NTNG1: variants seen among roughly 807,000 people sequenced by gnomAD.
NTNG1 encodes the protein netrin-G1.
In NTNG1, 16 loss-of-function variants were observed where a neutral mutation model predicts 54.0. That is an observed-to-expected ratio of 0.30 (90% CI 0.20 to 0.45). The LOEUF is 0.45. NTNG1 is among the 20% of genes least tolerant of loss of function. The probability of loss-of-function intolerance (pLI) is 1.00; values close to 1 mark genes in which losing one functional copy is unlikely to be tolerated. For synonymous variants in NTNG1, 255 were observed against 263.1 expected (o/e 0.97, Z 0.30); for missense variants, 530 against 678.7 (o/e 0.78, Z 2.43).
chr1:107,144,433 A>G (rs990701831), intron 1 of NTNG1, among the ~76,000 whole-genome samples: 1 of 152,146 alleles, frequency 6.6e-6, no homozygotes, highest in Non-Finnish European at 1.5e-5. Context: ...TAGTGAGATT[A>G]TATAATAAAA....
At chr1:107,292,896 T>C (rs1665710783) in intron 2 of NTNG1, among the ~76,000 whole-genome samples, 1 of 152,104 alleles carries the variant, frequency 6.6e-6, no homozygotes, top group South Asian at 2.1e-4. Context: ...CCAAGTGTAA[T>C]TTCCTTCCTT....
intron 1 of NTNG1, among the ~76,000 whole-genome samples, chr1:107,145,942 G>A (rs1654074887): frequency 6.6e-6 from 1 of 152,012 alleles, no homozygotes; most frequent in Non-Finnish European, 1.5e-5. Context: ...TTTCCTTAGT[G>A]TTCAAATTTT....
intron 3 of NTNG1, among the ~76,000 whole-genome samples, chr1:107,365,621 T>C (rs1207580371): frequency 6.6e-6 from 1 of 152,196 alleles, no homozygotes; most frequent in African/African-American, 2.4e-5. Context: ...TAATACAGAA[T>C]AGACAGTATC....
At chr1:107,244,871 A>G (rs1335224512) in intron 2 of NTNG1, among the ~76,000 whole-genome samples, 1 of 152,242 alleles carries the variant, frequency 6.6e-6, no homozygotes, top group Non-Finnish European at 1.5e-5. Flanking sequence ...GGAGCCTGAT[A>G]GAACTAGTGT....
rs149864296 is a variant in NTNG1, at chr1:107,331,329, T to C, written c.887+6407T>C. On this transcript the variant is annotated intron_variant, in intron 3 of 7. Transcript: ENST00000370068. Reference sequence around the variant, plus strand: ...TATGACTCTGCCCCTCTTAGAATGTTCTGGGAGTCACACTCTCCATGGCTT... The same window carrying C: ...TATGACTCTGCCCCTCTTAGAATGTCCTGGGAGTCACACTCTCCATGGCTT... 2.4e-3 allele frequency among the ~76,000 whole-genome samples: 368 copies of C among 152,224 alleles called. 1 individual carries two copies. The highest frequency in any genetic ancestry group is 8.3e-3 in the African/African-American group (344 of 41,562).
intron 7 of NTNG1, among the ~76,000 whole-genome samples, chr1:107,466,179 G>C (rs1266808370): frequency 6.6e-6 from 1 of 151,986 alleles, no homozygotes; most frequent in East Asian, 1.9e-4. Flanking sequence ...AAGATTGTGA[G>C]GGAGAGAATG....
At chr1:107,317,408 C>G (rs1343737781) in intron 2 of NTNG1, among the ~76,000 whole-genome samples, 2 of 152,178 alleles carry the variant, frequency 1.3e-5, no homozygotes, top group Non-Finnish European at 1.5e-5. Flanking sequence ...CTCCCTACCA[C>G]TTACAATAAT....
At chr1:107,475,647 A>C (rs1678269608) in intron 7 of NTNG1, among the ~76,000 whole-genome samples, 1 of 152,160 alleles carries the variant, frequency 6.6e-6, no homozygotes, top group African/African-American at 2.4e-5. Context: ...GAAATGACAA[A>C]GTTTCTTTAT....
At chr1:107,383,349 A>G (rs1361286351) in intron 3 of NTNG1, among the ~76,000 whole-genome samples, 3 of 152,182 alleles carry the variant, frequency 2.0e-5, no homozygotes, top group Admixed American at 6.5e-5. Context: ...CTTTTCTCAC[A>G]GTTTCCCCTA....
chr1:107,185,295 C>T (rs1657369145), intron 2 of NTNG1, among the ~76,000 whole-genome samples: 1 of 152,184 alleles, frequency 6.6e-6, no homozygotes, highest in Non-Finnish European at 1.5e-5. Context: ...GGCAGGACTG[C>T]ACTCCCTGTG....
chr1:107,160,907 T>A (rs1036474990), intron 2 of NTNG1, among the ~76,000 whole-genome samples: 7 of 152,182 alleles, frequency 4.6e-5, no homozygotes, highest in African/African-American at 1.7e-4. Context: ...TTGAAATGCA[T>A]CCTCTGAATT....
intron 7 of NTNG1, among the ~76,000 whole-genome samples, chr1:107,437,303 A>G (rs1381362255): frequency 1.3e-5 from 2 of 152,212 alleles, no homozygotes; most frequent in Non-Finnish European, 2.9e-5. Flanking sequence ...GGTAAAATAA[A>G]TGGCAAAAAT....
chr1:107,408,206 T>G (rs1164691146), intron 5 of NTNG1: 1 of 229,530 alleles, frequency 4.4e-6, no homozygotes, highest in Non-Finnish European at 8.7e-6. Flanking sequence ...AATTCTATGT[T>G]TTGTGAAGGC....
intron 2 of NTNG1, among the ~76,000 whole-genome samples, chr1:107,254,801 C>T (rs1276802529): frequency 6.6e-6 from 1 of 152,154 alleles, no homozygotes; most frequent in East Asian, 1.9e-4. Context: ...AAATACATTG[C>T]TTGCCCATGA....
At chr1:107,245,527 T>C (rs1662136612) in intron 2 of NTNG1, among the ~76,000 whole-genome samples, 1 of 152,256 alleles carries the variant, frequency 6.6e-6, no homozygotes, top group Non-Finnish European at 1.5e-5. Flanking sequence ...TAATTTGCTT[T>C]TCTCCATTTA....
chr1:107,259,312 A>G (rs1663141262), intron 2 of NTNG1, among the ~76,000 whole-genome samples: 1 of 152,144 alleles, frequency 6.6e-6, no homozygotes, highest in South Asian at 2.1e-4. Flanking sequence ...CACTAGATCA[A>G]GGTAGCAAGT....
At chr1:107,191,311 T>C (rs1234100226) in intron 2 of NTNG1, among the ~76,000 whole-genome samples, 1 of 152,188 alleles carries the variant, frequency 6.6e-6, no homozygotes, top group Non-Finnish European at 1.5e-5. Context: ...GAGTTCATTG[T>C]AGATTCTGGA....
chr1:107,141,686 C>A (rs938778878), intron 1 of NTNG1, among the ~76,000 whole-genome samples: 1 of 152,100 alleles, frequency 6.6e-6, no homozygotes, highest in Non-Finnish European at 1.5e-5. Context: ...ACACACAAGT[C>A]TTCCCGGGGG....
At chr1:107,343,939 C>T (rs1230176182) in intron 3 of NTNG1, among the ~76,000 whole-genome samples, 1 of 151,862 alleles carries the variant, frequency 6.6e-6, no homozygotes, top group African/African-American at 2.4e-5. Flanking sequence ...ATCAGACAAG[C>T]GATACCTGAA....
Sources: allele counts gnomAD v4.1 joint callset (sites outside exome capture counted in the v4.1 genomes callset), GRCh38; gene constraint gnomAD v4.1.1; transcripts MANE v1.5; gene names NCBI Gene and HGNC (gene_info 2026-07-23, HGNC 2026-07-21).